Variants in SDR39U1 observed in about 807,000 individuals in gnomAD.
SDR39U1 encodes short chain dehydrogenase/reductase family 39U member 1, also known as epimerase family protein SDR39U1.
A neutral mutation model predicts 31.7 loss-of-function variants in SDR39U1; 29 were observed. The observed-to-expected ratio is 0.92, with a 90% CI of 0.68 to 1.25. The LOEUF (loss-of-function observed/expected upper bound fraction) is 1.25, where lower values mean the gene tolerates loss of function less well. Ranked by LOEUF, SDR39U1 falls within the 50% of genes most tolerant of loss-of-function variation. SDR39U1 has a pLI of 0.00. For missense variants in SDR39U1, 403 were observed against 378.4 expected, an observed-to-expected ratio of 1.06 and a Z score of -0.54; for synonymous variants, 147 against 159.0, an observed-to-expected ratio of 0.92 and a Z score of 0.57.
At position 24,440,256 on chromosome 14, in the gene SDR39U1, C is replaced by A; in HGVS notation, c.709G>T (p.Gly237Cys). The A allele has an allele frequency of 6.2e-7, 1 of 1,613,884 alleles. No individual in the cohort carries two copies. The highest frequency in any genetic ancestry group is 8.5e-7 in the Non-Finnish European group (1 of 1,179,798). The change falls in exon 6 of 6, where the codon GGC becomes TGC. Residue 237 changes from glycine to cysteine, a missense_variant. Coordinates refer to ENST00000399395, the MANE Select transcript of SDR39U1 (RefSeq NM_020195.3). The stretch of plus-strand genomic sequence containing the variant: ...GGGAGAGGGATGAAGGCTCGGCGGC[C>A]CAGGGCAGCACCCAAGGTCTGGGCA... ...EFAQTLGAAL[G>C]RRAFIPLPSA...
At position 24,440,077 on chromosome 14, in the gene SDR39U1, AC is replaced by A; in HGVS notation, c.*5del. ...GAACAGGCCTCAGGCCCTTGCCACGACCTACTTAGGCTACAATTTCCTTTAA... is the reference window on the plus strand; with the variant it reads ...GAACAGGCCTCAGGCCCTTGCCACGACTACTTAGGCTACAATTTCCTTTAA... On this transcript the variant is annotated 3_prime_UTR_variant, in exon 6 of 6. Coordinates refer to ENST00000399395, the MANE Select transcript of SDR39U1 (RefSeq NM_020195.3). 6.3e-7 allele frequency: 1 copy of A among 1,585,584 alleles called. No individual in the cohort carries two copies. Among genetic ancestry groups the A allele is most frequent in the Non-Finnish European group, 8.6e-7 (1 of 1,161,598 alleles).
chr14:24,440,553 C>T, intron 5 of SDR39U1, 61 bp from the exon 6 acceptor site: 1 of 1,531,974 alleles, frequency 6.5e-7, no homozygotes, highest in Admixed American at 2.0e-5. Context: ...CCCACTGCTC[C>T]TCCTGGTTTC....
chr14:24,442,758 A>T lies in SDR39U1; in HGVS notation c.12T>A (p.Leu4=). The change falls in exon 1 of 6, where the codon CTT becomes CTA. Residue 4 remains leucine (L), a synonymous_variant. Transcript: ENST00000399395. MRV[L]VGGGTGFIGT... is the part of the protein sequence containing the mutation. ...TCCCTTTCTGCCCTCCCTCACCCAC[A>T]AGCACACGCATAGCGACTAGGACCT... 1 of 1,613,958 alleles carries T rather than the reference A, an allele frequency of 6.2e-7. No homozygotes were observed. The highest frequency in any genetic ancestry group is 1.3e-5 in the African/African-American group (1 of 75,036).
At chr14:24,441,954 A>T in intron 3 of SDR39U1, 159 bp from the exon 4 acceptor site, 2 of 1,278,858 alleles carry the variant, frequency 1.6e-6, no homozygotes, top group South Asian at 1.3e-5. Flanking sequence ...GGGAAAGGGC[A>T]TTCATTTCCT....
At position 24,442,418 on chromosome 14, in the gene SDR39U1, G is replaced by C; in HGVS notation, c.51C>G (p.Thr17=). Residue 17 remains threonine (T), a synonymous_variant, in exon 2 of 6, where the codon ACC becomes ACG. Coordinates refer to ENST00000399395, the MANE Select transcript of SDR39U1 (RefSeq NM_020195.3). The stretch of plus-strand genomic sequence containing the variant: ...CGTGGCCTCTGGCATTCAGCAGCTG[G>C]GTTAGGGCTGTCCCAATGAAGCCTG... The part of the protein sequence containing the change: ...GGTGFIGTAL[T]QLLNARGHEV... 1 of 1,610,328 alleles carries C rather than the reference G, an allele frequency of 6.2e-7. No homozygotes were observed. The highest frequency in any genetic ancestry group is 8.5e-7 in the Non-Finnish European group (1 of 1,178,280).
At position 24,440,911 on chromosome 14, in the gene SDR39U1, C is replaced by T. The variant is rs752040745; in HGVS notation, c.344G>A (p.Ser115Asn). The change falls in exon 5 of 6, where the codon AGT becomes AAT. Residue 115 changes from serine to asparagine, a missense_variant. By Grantham distance (46) the Ser-to-Asn change is conservative (BLOSUM62 1). Coordinates refer to ENST00000399395, the MANE Select transcript of SDR39U1 (RefSeq NM_020195.3). Reference protein sequence around the residue: ...LVTGVAYYQPSLTAEYDEDSP... With the variant: ...LVTGVAYYQPNLTAEYDEDSP... ...GTCTTCATCATACTCCGCAGTCAGACTGGGCTGGTAGTAAGCTGCCGGTGG... is the reference window on the plus strand; with the variant it reads ...GTCTTCATCATACTCCGCAGTCAGATTGGGCTGGTAGTAAGCTGCCGGTGG... 2 of 1,614,060 alleles carry T rather than the reference C, an allele frequency of 1.2e-6. No homozygotes were observed. The highest frequency in any genetic ancestry group is 2.2e-5 in the South Asian group (2 of 91,084).
Position 24,442,195 on chromosome 14 carries a change from G to A in SDR39U1, c.189C>T (p.Ile63=). 1 of 1,611,534 alleles carries A rather than the reference G, an allele frequency of 6.2e-7. No homozygotes were observed. Among genetic ancestry groups the A allele is most frequent in the Admixed American group, 1.7e-5 (1 of 59,792 alleles). ...DAAVNLAGEN[I]LNPLRRWNET... is the part of the protein sequence containing the mutation. ...GGGCTGACCTTCGGAGAGGGTTGAG[G>A]ATGTTCTCTCCGGCCAGGTTGACGG... Residue 63 remains isoleucine (I), a synonymous_variant, in exon 3 of 6, where the codon ATC becomes ATT. Coordinates refer to ENST00000399395, the MANE Select transcript of SDR39U1 (RefSeq NM_020195.3).
Position 24,439,986 on chromosome 14 carries a change from C to G in SDR39U1, c.*97G>C, listed in dbSNP as rs1315094256. 2 of 995,318 alleles carry G rather than the reference C, an allele frequency of 2.0e-6. No individual in the cohort carries two copies. The highest frequency in any genetic ancestry group is 2.9e-6 in the Non-Finnish European group (2 of 688,472). 61.7% of individuals were successfully genotyped at this position (995,318 alleles called of 1,614,324 possible). ...GAGGACTGGGAGAGGAATCTAAGAA[C>G]CAGATGGCTTCAGCTCTCTAGAGGA... is the stretch of plus-strand genomic sequence containing the variant. On this transcript the variant is annotated 3_prime_UTR_variant, in exon 6 of 6. Transcript: ENST00000399395.
rs759098212 is a variant in SDR39U1, at chr14:24,440,086, G to C, written c.879C>G (p.Ala293=). 31 of 1,594,074 alleles carry C rather than the reference G, an allele frequency of 1.9e-5. No homozygotes were observed. The highest frequency in any genetic ancestry group is 1.7e-4 in the Middle Eastern group (1 of 6,002). Residue 293 remains alanine, a synonymous_variant, in exon 6 of 6, where the codon GCC becomes GCG. Coordinates refer to ENST00000399395, the MANE Select transcript of SDR39U1 (RefSeq NM_020195.3). Reference sequence around the variant, plus strand: ...TCAGGCCCTTGCCACGACCTACTTAGGCTACAATTTCCTTTAAGGCAGCCC... The same window carrying C: ...TCAGGCCCTTGCCACGACCTACTTACGCTACAATTTCCTTTAAGGCAGCCC... The part of the protein sequence containing the change: ...ELGAALKEIV[A]
Position 24,440,806 on chromosome 14 carries a change from G to A in SDR39U1, c.449C>T (p.Thr150Ile), listed in dbSNP as rs2043312783. Residue 150 changes from threonine (T) to isoleucine (I), a missense_variant, in exon 5 of 6, where the codon ACA (threonine) becomes ATA (isoleucine). Physicochemically the swap from Thr to Ile is moderately conservative, Grantham distance 89 (BLOSUM62 -1). Transcript: ENST00000399395. ...ACCTGAGCGCACCACCACCTGGCGT[G>A]TAGAATCTCCAGGAAGCCTGGCTGC... ...EAAARLPGDS[T>I]RQVVVRSGVV... The A allele has an allele frequency of 6.2e-7, 1 of 1,613,778 alleles. No homozygotes were observed. Among genetic ancestry groups the A allele is most frequent in the East Asian group, 2.2e-5 (1 of 44,896 alleles).
At chr14:24,442,150 G>A in intron 3 of SDR39U1, 28 bp downstream of exon 3, 1 of 1,601,308 alleles carries the variant, frequency 6.2e-7, no homozygotes, top group Non-Finnish European at 8.5e-7. Context: ...GTGCTCTAGT[G>A]GGTATCAGCT....
Position 24,440,012 on chromosome 14 carries a change from G to T in SDR39U1, c.*71C>A. 1 of 1,319,028 alleles carries T rather than the reference G, an allele frequency of 7.6e-7. No individual in the cohort carries two copies. The highest frequency in any genetic ancestry group is 2.5e-5 in the Admixed American group (1 of 40,618). 81.7% of individuals were successfully genotyped at this position (1,319,028 alleles called of 1,614,324 possible). ...CAGATGGCTTCAGCTCTCTAGAGGA[G>T]CTGAGCCTATTCACAGTGCCTAACC... is the stretch of plus-strand genomic sequence containing the variant. On this transcript the variant is annotated 3_prime_UTR_variant, in exon 6 of 6. Coordinates refer to ENST00000399395, the MANE Select transcript of SDR39U1 (RefSeq NM_020195.3).
Position 24,441,704 on chromosome 14 carries a change from G to A in SDR39U1, c.298C>T (p.Pro100Ser), listed in dbSNP as rs2043345580. The A allele has an allele frequency of 1.3e-6, 2 of 1,594,516 alleles. No homozygotes were observed. Among genetic ancestry groups the A allele is most frequent in the African/African-American group, 1.4e-5 (1 of 73,440 alleles). Residue 100 changes from proline (P) to serine (S), a missense_variant, in exon 4 of 6, where the codon CCC (proline) becomes TCC (serine). Physicochemically the swap from Pro to Ser is moderately conservative, Grantham distance 74 (BLOSUM62 -1). Transcript: ENST00000399395. Reference protein sequence around the residue: ...AKAITKAPQPPKAWVLVTGVA... With the variant: ...AKAITKAPQPSKAWVLVTGVA... ...CCTGTGACTAAGACCCAGGCCTTGG[G>A]GGGTTGTGGGGCTTTGGTGATGGCT...
rs1419344375 is a variant in SDR39U1, at chr14:24,440,144, G to A, written c.821C>T (p.Ala274Val). ...TGGGAAGGAATACTGGTAGCCAGTG[G>A]CCAGTGTTCGCTGTGGGATCACCTT... ...GQKVIPQRTL[A>V]TGYQYSFPEL... Residue 274 changes from alanine to valine, a missense_variant, in exon 6 of 6, where the codon GCC (alanine) becomes GTC (valine). By Grantham distance (64) the Ala-to-Val change is moderately conservative. Transcript: ENST00000399395. The A allele has an allele frequency of 1.2e-6, 2 of 1,613,450 alleles. No homozygotes were observed. Among genetic ancestry groups the A allele is most frequent in the African/African-American group, 1.3e-5 (1 of 75,052 alleles).
rs1352036159 is a variant in SDR39U1, at chr14:24,440,827, G to A, written c.428C>T (p.Ala143Val). The A allele has an allele frequency of 6.2e-7, 1 of 1,613,638 alleles. No individual in the cohort carries two copies. The highest frequency in any genetic ancestry group is 8.5e-7 in the Non-Finnish European group (1 of 1,179,804). Reference sequence around the variant, plus strand: ...GCGTGTAGAATCTCCAGGAAGCCTGGCTGCAGCTTCCCATTTGGTTACGAG... The same window carrying A: ...GCGTGTAGAATCTCCAGGAAGCCTGACTGCAGCTTCCCATTTGGTTACGAG... Reference protein sequence around the residue: ...SNLVTKWEAAARLPGDSTRQV... With the variant: ...SNLVTKWEAAVRLPGDSTRQV... Residue 143 changes from alanine to valine, a missense_variant, in exon 5 of 6, where the codon GCC (alanine) becomes GTC (valine). Ala to Val is a moderately conservative substitution (Grantham distance 64). Transcript: ENST00000399395.
Position 24,440,267 on chromosome 14 carries a change from C to G in SDR39U1, c.698G>C (p.Gly233Ala), listed in dbSNP as rs781330213. ...GAAGGCTCGGCGGCCCAGGGCAGCA[C>G]CCAAGGTCTGGGCAAACTCAGCATT... ...ATNAEFAQTL[G>A]AALGRRAFIP... Residue 233 changes from glycine to alanine, a missense_variant, in exon 6 of 6, where the codon GGT becomes GCT. Transcript: ENST00000399395. 2 of 1,613,950 alleles carry G rather than the reference C, an allele frequency of 1.2e-6. No homozygotes were observed. The highest frequency in any genetic ancestry group is 2.7e-5 in the African/African-American group (2 of 75,050).
rs1387825593 is a variant in SDR39U1 at position 24,440,015 on chromosome 14, G to A, written c.*68C>T. 1.5e-6 allele frequency: 2 copies of A among 1,347,540 alleles called. No individual in the cohort carries two copies. Among genetic ancestry groups the A allele is most frequent in the Non-Finnish European group, 2.0e-6 (2 of 988,538 alleles). The allele number at this position is 1,347,540 out of a possible 1,614,324, so 83.5% of individuals were successfully genotyped here. On this transcript the variant is annotated 3_prime_UTR_variant, in exon 6 of 6. Coordinates refer to ENST00000399395, the MANE Select transcript of SDR39U1 (RefSeq NM_020195.3). The stretch of plus-strand genomic sequence containing the variant: ...ATGGCTTCAGCTCTCTAGAGGAGCT[G>A]AGCCTATTCACAGTGCCTAACCTGG...
chr14:24,441,943 A>T, intron 3 of SDR39U1, 148 bp from the exon 4 acceptor site: 1 of 1,339,818 alleles, frequency 7.5e-7, no homozygotes, highest in Non-Finnish European at 1.0e-6. Flanking sequence ...TCTCCTGTAG[A>T]GGGAAAGGGC....
chr14:24,441,703 G>T lies in SDR39U1; in HGVS notation c.299C>A (p.Pro100His), dbSNP rs754080553. The T allele has an allele frequency of 6.3e-7, 1 of 1,594,532 alleles. No individual in the cohort carries two copies. The highest frequency in any genetic ancestry group is 1.9e-5 in the Admixed American group (1 of 52,626). Reference protein sequence around the residue: ...AKAITKAPQPPKAWVLVTGVA... With the variant: ...AKAITKAPQPHKAWVLVTGVA... The stretch of plus-strand genomic sequence containing the variant: ...ACCTGTGACTAAGACCCAGGCCTTG[G>T]GGGGTTGTGGGGCTTTGGTGATGGC... Residue 100 changes from proline to histidine, a missense_variant, in exon 4 of 6, where the codon CCC (proline) becomes CAC (histidine). Transcript: ENST00000399395.
Sources: allele counts gnomAD v4.1 joint callset, GRCh38; gene constraint gnomAD v4.1.1; transcripts MANE v1.5; gene names NCBI Gene and HGNC (gene_info 2026-07-23, HGNC 2026-07-21).